ATP8B3: variants seen among roughly 807,000 people sequenced by gnomAD.
ATP8B3 encodes the protein ATPase phospholipid transporting 8B3.
In ATP8B3, 141 loss-of-function variants were observed where a neutral mutation model predicts 140.9. The observed-to-expected ratio is 1.00, with a 90% CI of 0.87 to 1.15. The LOEUF (loss-of-function observed/expected upper bound fraction) is 1.15. Among genes scored for constraint, ATP8B3 ranks in the 50% most tolerant of loss-of-function variants. The pLI, the probability that ATP8B3 is intolerant of heterozygous loss-of-function variation, is 0.00. For missense variants in ATP8B3, 1,874 were observed against 1,740.6 expected (o/e 1.08, Z -1.36); for synonymous variants, 765 against 714.6 (o/e 1.07, Z -1.13).
At position 1,805,946 on chromosome 19, in the gene ATP8B3, A is replaced by G; in HGVS notation, c.763T>C (p.Leu255=). 1 of 1,611,126 alleles carries G rather than the reference A, an allele frequency of 6.2e-7. No individual in the cohort carries two copies. The highest frequency in any genetic ancestry group is 8.5e-7 in the Non-Finnish European group (1 of 1,178,382). ...KDNIVPADML[L]LASTEPSSLC... ...CTGCTGGGCTCCGTGCTGGCCAGCA[A>G]GAGCATGTCGGCCTGGTGTGGAGTG... The change falls in exon 9 of 29, where the codon TTG becomes CTG. Residue 255 remains leucine (L), a synonymous_variant. Coordinates refer to ENST00000310127, the MANE Select transcript of ATP8B3 (RefSeq NM_138813.4). This position sits in a 1 kb window ranked among gnomAD's most constrained non-coding sequence, Gnocchi z 5.2.
Position 1,809,666 on chromosome 19 carries a change from A to T in ATP8B3, c.379T>A (p.Cys127Ser). Residue 127 changes from cysteine to serine, a missense_variant, in exon 4 of 29, where the codon TGC becomes AGC. By Grantham distance (112) the Cys-to-Ser change is moderately radical. Coordinates refer to ENST00000310127, the MANE Select transcript of ATP8B3 (RefSeq NM_138813.4). The part of the protein sequence containing the change: ...NGQFKEKVIL[C>S]WQRKKYKTNV... ...ACCTTGTATTTCTTCCTTTGCCAGC[A>T]CAGGATCACCTTCTCCTTGAACTGC... The T allele has an allele frequency of 6.2e-7, 1 of 1,610,654 alleles. No homozygotes were observed. Among genetic ancestry groups the T allele is most frequent in the South Asian group, 1.1e-5 (1 of 90,292 alleles).
Position 1,811,496 on chromosome 19 carries a change from G to T in ATP8B3, c.241C>A (p.Pro81Thr), listed in dbSNP as rs770535195. The change falls in exon 2 of 29, where the codon CCA becomes ACA. Residue 81 changes from proline to threonine, a missense_variant. By Grantham distance (38) the Pro-to-Thr change is conservative. Coordinates refer to ENST00000310127, the MANE Select transcript of ATP8B3 (RefSeq NM_138813.4). ...PGRARKYEWRPEGPTSMGSLG... is the reference protein window; with the variant it reads ...PGRARKYEWRTEGPTSMGSLG... ...CGATGCACCCGTCCTCACCCTTCTG[G>T]TCTCCATTCATACTTCCTAGCCCGG... 3.1e-6 allele frequency: 5 copies of T among 1,611,640 alleles called. No homozygotes were observed. Among genetic ancestry groups the T allele is most frequent in the Non-Finnish European group, 4.2e-6 (5 of 1,179,670 alleles).
intron 18 of ATP8B3, among the ~76,000 whole-genome samples, chr19:1,795,428 G>A (rs2068634161): frequency 6.6e-6 from 1 of 152,096 alleles, no homozygotes; most frequent in Admixed American, 6.5e-5. Context: ...GCGTGTGCCT[G>A]TAATTCCAGC....
In ATP8B3 at chr19:1,805,424, A is replaced by G; in HGVS notation, c.854T>C (p.Met285Thr). The G allele has an allele frequency of 3.8e-6, 6 of 1,566,120 alleles. No homozygotes were observed. The highest frequency in any genetic ancestry group is 5.2e-6 in the Non-Finnish European group (6 of 1,153,334). The change falls in exon 10 of 29, where the codon ATG (methionine) becomes ACG (threonine). Residue 285 changes from methionine to threonine, a missense_variant. Coordinates refer to ENST00000310127, the MANE Select transcript of ATP8B3 (RefSeq NM_138813.4). The surrounding 1 kb of genome is among the most constrained non-coding windows in gnomAD (Gnocchi z 5.2). The part of the protein sequence containing the change: ...ETNLKFRQAL[M>T]VTHKELATIK... Reference sequence around the variant, plus strand: ...AGTGGCCAGTTCTTTGTGGGTGACCATCAGGGCCTGTCTGAACTTCAAGTT... The same window carrying G: ...AGTGGCCAGTTCTTTGTGGGTGACCGTCAGGGCCTGTCTGAACTTCAAGTT...
chr19:1,809,493 G>T, intron 4 of ATP8B3, 150 bp downstream of exon 4: 1 of 681,664 alleles, frequency 1.5e-6, no homozygotes, highest in Non-Finnish European at 2.4e-6. Context: ...AAAAAAAAAA[G>T]AAAGAAAGAA....
chr19:1,788,512 T>A (rs926012717), intron 24 of ATP8B3, among the ~76,000 whole-genome samples: 1 of 152,036 alleles, frequency 6.6e-6, no homozygotes, highest in African/African-American at 2.4e-5. Context: ...TAGCCAGGCG[T>A]GATGGTACAC....
Position 1,811,758 on chromosome 19 carries a change from G to A in ATP8B3, c.-22C>T. ...CCATTCACCGCATGAGGAAAAGGGA[G>A]GTTCAGGGCGAAGAGGGGTTTAGGC... On this transcript the variant is annotated 5_prime_UTR_variant, in exon 2 of 29. Coordinates refer to ENST00000310127, the MANE Select transcript of ATP8B3 (RefSeq NM_138813.4). 1 of 1,562,766 alleles carries A rather than the reference G, an allele frequency of 6.4e-7. No homozygotes were observed. Among genetic ancestry groups the A allele is most frequent in the Non-Finnish European group, 8.6e-7 (1 of 1,159,710 alleles).
chr19:1,810,234 C>T (rs2069148559), intron 3 of ATP8B3, among the ~76,000 whole-genome samples: 2 of 152,220 alleles, frequency 1.3e-5, no homozygotes, highest in Admixed American at 1.3e-4. Context: ...CTGGGGGCCC[C>T]AGCCCGTCTC....
chr19:1,807,063 T>A lies in ATP8B3; in HGVS notation c.615+105A>T. 9.6e-7 allele frequency: 1 copy of A among 1,042,694 alleles called. No individual in the cohort carries two copies. The highest frequency in any genetic ancestry group is 1.5e-6 in the Non-Finnish European group (1 of 683,010). 64.6% of individuals were successfully genotyped at this position (1,042,694 alleles called of 1,614,324 possible). On this transcript the variant is annotated intron_variant, in intron 6 of 28. Transcript: ENST00000310127. The surrounding 1 kb of genome is among the most constrained non-coding windows in gnomAD (Gnocchi z 5.9). ...GGCTCCCAGGCCCACGTTCCCCTAA[T>A]GCTCCAGGAAGCCCAGCCCTCCTCC...
In ATP8B3 at chr19:1,782,979, C is replaced by T. The variant is rs1364791412; in HGVS notation, c.*49G>A. On this transcript the variant is annotated 3_prime_UTR_variant, in exon 29 of 29. Transcript: ENST00000310127. Reference sequence around the variant, plus strand: ...TGTACTTCCTGGGAGGACACCTGCCCCTGTGGCTGGTGCTTCTTCTTCCCC... The same window carrying T: ...TGTACTTCCTGGGAGGACACCTGCCTCTGTGGCTGGTGCTTCTTCTTCCCC... 9.0e-6 allele frequency: 14 copies of T among 1,560,580 alleles called. No individual in the cohort carries two copies. The highest frequency in any genetic ancestry group is 1.2e-5 in the South Asian group (1 of 84,836).
At position 1,800,450 on chromosome 19, in the gene ATP8B3, C is replaced by A; in HGVS notation, c.1153-1G>T. The A allele has an allele frequency of 6.6e-7, 1 of 1,525,148 alleles. No homozygotes were observed. The highest frequency in any genetic ancestry group is 8.9e-7 in the Non-Finnish European group (1 of 1,125,016). 94.5% of individuals were successfully genotyped at this position (1,525,148 alleles called of 1,614,324 possible). Reference sequence around the variant, plus strand: ...AGACAAGCACCACGGAGATGAAGATCTGGAAGGCAGACGCGACAGGGTGGG... The same window carrying A: ...AGACAAGCACCACGGAGATGAAGATATGGAAGGCAGACGCGACAGGGTGGG... On this transcript the variant is annotated splice_acceptor_variant, in intron 12 of 28. Transcript: ENST00000310127. LOFTEE classifies it high-confidence loss of function. This position sits in a 1 kb window ranked among gnomAD's most constrained non-coding sequence, Gnocchi z 4.4.
intron 24 of ATP8B3, 40 bp from the exon 25 acceptor site, chr19:1,787,226 C>CCAGGCACCCAAGGAGCCTGCCAAG: frequency 6.5e-7 from 1 of 1,544,800 alleles, no homozygotes. Context: ...AAGTCAGCCT[C>CCAGGCACCCAAGGAGCCTGCCAAG]CAGGCACCCA....
chr19:1,790,675 G>A (rs1372748932), intron 21 of ATP8B3, 82 bp downstream of exon 21: 10 of 365,406 alleles, frequency 2.7e-5, no homozygotes, highest in Middle Eastern at 4.7e-4. Flanking sequence ...TGGGCTCCCC[G>A]TCCAGTGAGA....
Position 1,783,088 on chromosome 19 carries a change from T to C in ATP8B3, c.3843A>G (p.Ala1281=). 6.2e-7 allele frequency: 1 copy of C among 1,613,420 alleles called. No homozygotes were observed. ...RRGPGVSSDI[A]SESLDPSDEE... Reference sequence around the variant, plus strand: ...CATCAGATGGGTCTAGGGATTCAGATGCTATGTCACTGCTGACCCCTGGTC... The same window carrying C: ...CATCAGATGGGTCTAGGGATTCAGACGCTATGTCACTGCTGACCCCTGGTC... Residue 1281 remains alanine, a synonymous_variant, in exon 29 of 29, where the codon GCA becomes GCG. Coordinates refer to ENST00000310127, the MANE Select transcript of ATP8B3 (RefSeq NM_138813.4).
Position 1,807,431 on chromosome 19 carries a change from G to A in ATP8B3, c.517-165C>T, listed in dbSNP as rs1281965189. 2.0e-5 allele frequency among the ~76,000 whole-genome samples: 3 copies of A among 151,540 alleles called. No individual in the cohort carries two copies. Among genetic ancestry groups the A allele is most frequent in the Non-Finnish European group, 1.5e-5 (1 of 67,932 alleles). On this transcript the variant is annotated intron_variant, in intron 5 of 28. Transcript: ENST00000310127. This position sits in a 1 kb window ranked among gnomAD's most constrained non-coding sequence, Gnocchi z 5.9. ...GCAACCCCCAGCCCTCGGGACAAAC[G>A]CCCCGGCATCCCTCCACCTGCCTGG... is the stretch of plus-strand genomic sequence containing the variant.
At chr19:1,801,233 C>G (rs2068838507) in intron 12 of ATP8B3, among the ~76,000 whole-genome samples, 2 of 151,010 alleles carry the variant, frequency 1.3e-5, no homozygotes, top group Non-Finnish European at 2.9e-5. Context: ...CTCACTGCAA[C>G]CTCCACCTCT....
chr19:1,799,910 G>T, intron 14 of ATP8B3, 37 bp downstream of exon 14: 1 of 1,549,192 alleles, frequency 6.5e-7, no homozygotes. Context: ...CTTGAAGATC[G>T]AGGACCCAGC....
At position 1,796,972 on chromosome 19, in the gene ATP8B3, A is replaced by G; in HGVS notation, c.1584+2T>C. ...CCCGCGCTGCAAGCCAGGCAGGCTC[A>G]CCTTAGGTCGGGTCGTGGCCTCTGA... is the stretch of plus-strand genomic sequence containing the variant. On this transcript the variant is annotated splice_donor_variant, in intron 15 of 28. Transcript: ENST00000310127. LOFTEE classifies it high-confidence loss of function. The G allele has an allele frequency of 6.2e-7, 1 of 1,612,690 alleles. No individual in the cohort carries two copies. The highest frequency in any genetic ancestry group is 8.5e-7 in the Non-Finnish European group (1 of 1,179,584).
intron 28 of ATP8B3, among the ~76,000 whole-genome samples, chr19:1,784,425 G>A (rs10407883): frequency 0.081 from 12,254 of 152,160 alleles, 722 homozygotes; most frequent in African/African-American, 0.16. Context: ...TGAGGTGGGA[G>A]GATCCTTTGA....
Sources: allele counts gnomAD v4.1 joint callset (sites outside exome capture counted in the v4.1 genomes callset), GRCh38; gene constraint gnomAD v4.1.1; non-coding constraint Gnocchi (gnomAD v3.1); transcripts MANE v1.5; gene names NCBI Gene and HGNC (gene_info 2026-07-23, HGNC 2026-07-21).